The following KLF8 variants were observed in gnomAD, a reference collection of about 807,000 sequenced individuals.
KLF8 encodes KLF transcription factor 8, also known as Krueppel-like factor 8.
KLF8 carries 10 observed loss-of-function variants against 18.2 expected under a neutral mutation model. The ratio of observed to expected loss-of-function variants is 0.55; its 90% CI spans 0.34 to 0.93. KLF8 has a LOEUF of 0.93. Ranked by LOEUF, KLF8 falls within the 40% of genes least tolerant of loss-of-function variation. The pLI, the probability that KLF8 is intolerant of heterozygous loss-of-function variation, is 0.02. For missense variants in KLF8, 264 were observed against 277.9 expected, an observed-to-expected ratio of 0.95 and a Z score of 0.36; for synonymous variants, 109 against 97.3, an observed-to-expected ratio of 1.12 and a Z score of -0.71.
chrX:56,179,960 C>A, the KLF8 span, among the ~76,000 whole-genome samples: 2 of 110,329 alleles, frequency 1.8e-5, no homozygotes, highest in Non-Finnish European at 3.8e-5. Context: ...TCTTTTTTTT[C>A]TTGTGTCTCT....
the KLF8 span, among the ~76,000 whole-genome samples, chrX:56,195,165 T>C: frequency 8.9e-6 from 1 of 111,965 alleles, no homozygotes; most frequent in Non-Finnish European, 1.9e-5. Flanking sequence ...AAAATCAGAG[T>C]ACCTCTTCTA....
chrX:56,282,557 G>T (rs1488957631), intron 5 of KLF8, among the ~76,000 whole-genome samples: 2 of 111,946 alleles, frequency 1.8e-5, no homozygotes, highest in Non-Finnish European at 3.8e-5. Context: ...AAACACTTGG[G>T]AGGGTTGGTA....
the KLF8 span, among the ~76,000 whole-genome samples, chrX:56,196,734 G>A: frequency 1.8e-5 from 2 of 111,684 alleles, no homozygotes; most frequent in Non-Finnish European, 3.8e-5. Flanking sequence ...ACTCAGCTCT[G>A]CACCAAGCAG....
At chrX:55,956,228 T>C in the KLF8 span, among the ~76,000 whole-genome samples, 1 of 110,435 alleles carries the variant, frequency 9.1e-6, no homozygotes, top group African/African-American at 3.3e-5. Context: ...TCTATCTGTC[T>C]ATATGCTATT....
chrX:56,085,005 T>C, the KLF8 span, among the ~76,000 whole-genome samples: 2 of 111,060 alleles, frequency 1.8e-5, no homozygotes, highest in African/African-American at 6.5e-5. Context: ...TTCCTGGGGG[T>C]ACAAAGAAAA....
the KLF8 span, among the ~76,000 whole-genome samples, chrX:56,005,069 G>A: frequency 9.2e-6 from 1 of 108,327 alleles, no homozygotes; most frequent in African/African-American, 3.4e-5. Context: ...TTGAGATGGA[G>A]TCTTGGTCTG....
chrX:56,236,771 G>A (rs2066479761), intron 1 of KLF8, among the ~76,000 whole-genome samples: 1 of 109,261 alleles, frequency 9.2e-6, no homozygotes, highest in African/African-American at 3.3e-5. Context: ...ATTTTGCCTC[G>A]CTGGAGGCAA....
chrX:56,249,605 CT>C (rs2066675686), intron 1 of KLF8, among the ~76,000 whole-genome samples: 1 of 111,508 alleles, frequency 9.0e-6, no homozygotes. Flanking sequence ...AAAAAAAGGC[CT>C]TGCCAAAGAT....
the KLF8 span, among the ~76,000 whole-genome samples, chrX:56,133,090 G>A: frequency 9.0e-6 from 1 of 111,589 alleles, no homozygotes; most frequent in Admixed American, 9.5e-5. Flanking sequence ...AGACATTCAA[G>A]GAAGAATTGG....
chrX:56,081,384 G>A, the KLF8 span, among the ~76,000 whole-genome samples: 3 of 111,954 alleles, frequency 2.7e-5, no homozygotes, highest in African/African-American at 6.5e-5. Flanking sequence ...TAGCTTTTAT[G>A]TGGATCTCTT....
At chrX:56,250,032 G>A (rs750702188) in intron 1 of KLF8, among the ~76,000 whole-genome samples, 199 bp from the exon 2 acceptor site, 5 of 111,727 alleles carry the variant, frequency 4.5e-5, no homozygotes, top group Admixed American at 1.9e-4. Flanking sequence ...TTGGTGGAGG[G>A]GAGCAGCTAA....
chrX:56,166,836 G>T, the KLF8 span, among the ~76,000 whole-genome samples: 1 of 111,493 alleles, frequency 9.0e-6, no homozygotes, highest in Non-Finnish European at 1.9e-5. Context: ...AGCAGGCTGG[G>T]TTGAAGCCTA....
At chrX:56,051,334 T>A in the KLF8 span, among the ~76,000 whole-genome samples, 1 of 110,429 alleles carries the variant, frequency 9.1e-6, no homozygotes, top group African/African-American at 3.3e-5. Flanking sequence ...GTTATTTTGC[T>A]CGTTAGTTGA....
the KLF8 span, among the ~76,000 whole-genome samples, chrX:56,218,601 A>G: frequency 1.8e-5 from 2 of 112,268 alleles, no homozygotes; most frequent in East Asian, 2.8e-4. Context: ...TAGAACATAA[A>G]AGTTAACCTA....
chrX:56,068,483 C>A, the KLF8 span, among the ~76,000 whole-genome samples: 10 of 111,859 alleles, frequency 8.9e-5, no homozygotes, highest in Non-Finnish European at 1.9e-4. Context: ...GGCCCTGATT[C>A]TGTGTGAACT....
At chrX:55,989,428 G>C in the KLF8 span, among the ~76,000 whole-genome samples, 2 of 112,442 alleles carry the variant, frequency 1.8e-5, no homozygotes, top group Non-Finnish European at 3.7e-5. Flanking sequence ...GTTGAATTCT[G>C]TCAAAGGCCT....
chrX:55,994,528 A>AT, the KLF8 span, among the ~76,000 whole-genome samples: 7 of 100,861 alleles, frequency 6.9e-5, no homozygotes, highest in African/African-American at 2.2e-4. Context: ...CTTTGTTGAG[A>AT]TTTTTCTAAC....
the KLF8 span, among the ~76,000 whole-genome samples, chrX:56,166,729 G>A: frequency 8.9e-6 from 1 of 111,849 alleles, no homozygotes; most frequent in Admixed American, 9.5e-5. Context: ...GAAACTGTCA[G>A]ACAGATTGTA....
At chrX:56,222,907 C>T in the KLF8 span, among the ~76,000 whole-genome samples, 1 of 113,033 alleles carries the variant, frequency 8.8e-6, no homozygotes, top group Non-Finnish European at 1.9e-5. Context: ...GCGCCGTGTG[C>T]AGTCCCGGTT....
Sources: allele counts gnomAD v4.1 joint callset (sites outside exome capture counted in the v4.1 genomes callset), GRCh38; gene constraint gnomAD v4.1.1; transcripts MANE v1.5; gene names NCBI Gene and HGNC (gene_info 2026-07-23, HGNC 2026-07-21).